Variants in LRFN5 observed in about 807,000 individuals in gnomAD.
The protein encoded by LRFN5 is leucine rich repeat and fibronectin type III domain containing 5.
LRFN5 carries 24 observed loss-of-function variants against 45.6 expected under a neutral mutation model. The observed-to-expected ratio is 0.53, with a 90% CI of 0.38 to 0.74. The LOEUF (loss-of-function observed/expected upper bound fraction) is 0.74. Ranked by LOEUF, LRFN5 falls within the 30% of genes least tolerant of loss-of-function variation. The probability of loss-of-function intolerance (pLI) is 0.00; values close to 1 mark genes in which losing one functional copy is unlikely to be tolerated. For synonymous variants in LRFN5, 340 were observed against 313.8 expected, an observed-to-expected ratio of 1.08 and a Z score of -0.88; for missense variants, 776 against 861.5, an observed-to-expected ratio of 0.90 and a Z score of 1.24.
chr14:41,882,846 C>CTTTTTTT (rs71105409), intron 2 of LRFN5, among the ~76,000 whole-genome samples: 3 of 107,286 alleles, frequency 2.8e-5, no homozygotes, highest in East Asian at 2.9e-4. Flanking sequence ...TGTATTTCCT[C>CTTTTTTT]TTTTTTTTTT....
intron 2 of LRFN5, among the ~76,000 whole-genome samples, chr14:41,879,427 C>T (rs565403640): frequency 7.6e-4 from 116 of 151,902 alleles, no homozygotes; most frequent in Middle Eastern, 3.4e-3. Flanking sequence ...TTTCCGTATA[C>T]CCTTTACCCG....
At chr14:41,826,900 ATAAG>A (rs1484726117) in intron 2 of LRFN5, among the ~76,000 whole-genome samples, 2 of 152,218 alleles carry the variant, frequency 1.3e-5, no homozygotes, top group Non-Finnish European at 2.9e-5. Flanking sequence ...GATTCACAAA[ATAAG>A]TAATTATTTT....
At chr14:41,752,310 T>G (rs1167876406) in intron 1 of LRFN5, among the ~76,000 whole-genome samples, 1 of 152,216 alleles carries the variant, frequency 6.6e-6, no homozygotes, top group Non-Finnish European at 1.5e-5. Context: ...AAATGGTATT[T>G]CTAGTTCTAG....
intron 1 of LRFN5, among the ~76,000 whole-genome samples, chr14:41,627,487 T>A (rs983890831): frequency 2.0e-5 from 3 of 152,160 alleles, no homozygotes; most frequent in Non-Finnish European, 4.4e-5. Context: ...TGTCAAGTGG[T>A]TTGATTTTGC....
At chr14:41,791,417 G>A (rs970874330) in intron 2 of LRFN5, among the ~76,000 whole-genome samples, 4 of 151,912 alleles carry the variant, frequency 2.6e-5, no homozygotes, top group Admixed American at 2.0e-4. Flanking sequence ...TTGCTTCTAA[G>A]GAGTGACCAA....
At chr14:41,646,166 T>C (rs1161007039) in intron 1 of LRFN5, among the ~76,000 whole-genome samples, 1 of 152,152 alleles carries the variant, frequency 6.6e-6, no homozygotes, top group Non-Finnish European at 1.5e-5. Flanking sequence ...AATATATTAT[T>C]GTTAATCATC....
intron 1 of LRFN5, among the ~76,000 whole-genome samples, chr14:41,756,301 G>A (rs1885377820): frequency 6.6e-6 from 1 of 152,116 alleles, no homozygotes; most frequent in Non-Finnish European, 1.5e-5. Flanking sequence ...TACTGAATTT[G>A]AATGTTGGTC....
At chr14:41,680,894 A>T (rs889616676) in intron 1 of LRFN5, among the ~76,000 whole-genome samples, 1 of 152,090 alleles carries the variant, frequency 6.6e-6, no homozygotes, top group Non-Finnish European at 1.5e-5. Flanking sequence ...ATTTAGAATC[A>T]CATCAGACAA....
At chr14:41,793,241 G>A (rs1229800639) in intron 2 of LRFN5, among the ~76,000 whole-genome samples, 1 of 151,920 alleles carries the variant, frequency 6.6e-6, no homozygotes, top group African/African-American at 2.4e-5. Flanking sequence ...GCTCCAGCCG[G>A]TCCCTCCGTT....
rs1480674091 is a variant in LRFN5 at position 41,889,865 on chromosome 14, CTT to C, written c.1386-1383_1386-1382del. ...GTAGATTCAGAGATGTCTATAAACT[CTT>C]TATTTATTTATTTTGAGATAAGGTC... is the stretch of plus-strand genomic sequence containing the variant. On this transcript the variant is annotated intron_variant, in intron 3 of 5. Coordinates refer to ENST00000298119, the MANE Select transcript of LRFN5 (RefSeq NM_152447.5). Among the ~76,000 whole-genome samples the C allele has an allele frequency of 2.2e-4, 33 of 152,072 alleles. 1 individual carries two copies. The highest frequency in any genetic ancestry group is 2.2e-3 in the Admixed American group (33 of 15,286).
intron 1 of LRFN5, among the ~76,000 whole-genome samples, chr14:41,719,062 T>A (rs1284023300): frequency 6.6e-6 from 1 of 152,098 alleles, no homozygotes; most frequent in Non-Finnish European, 1.5e-5. Context: ...TCTGGGGTAA[T>A]TCATCACTTT....
At chr14:41,733,143 G>A (rs1884255050) in intron 1 of LRFN5, among the ~76,000 whole-genome samples, 1 of 151,870 alleles carries the variant, frequency 6.6e-6, no homozygotes, top group Admixed American at 6.6e-5. Flanking sequence ...AGTTAGAAAG[G>A]AGCAGAGAGA....
chr14:41,835,675 A>G (rs889550010), intron 2 of LRFN5, among the ~76,000 whole-genome samples: 1 of 152,112 alleles, frequency 6.6e-6, no homozygotes, highest in Non-Finnish European at 1.5e-5. Context: ...GCAGTAAACC[A>G]CGGTCACGCT....
intron 4 of LRFN5, chr14:41,892,303 A>G (rs1181571448): frequency 1.2e-6 from 1 of 841,054 alleles, no homozygotes; most frequent in Non-Finnish European, 1.4e-6. Flanking sequence ...ATATATATAT[A>G]CACATATATA....
intron 1 of LRFN5, chr14:41,699,747 G>A (rs1253327977): frequency 6.6e-6 from 1 of 152,074 alleles, no homozygotes; most frequent in Non-Finnish European, 1.5e-5. Context: ...CACTAATCAG[G>A]AACTGACTCC....
chr14:41,898,698 T>C (rs568298824), intron 4 of LRFN5, among the ~76,000 whole-genome samples: 1 of 152,174 alleles, frequency 6.6e-6, no homozygotes, highest in East Asian at 1.9e-4. Flanking sequence ...TATTATGTTT[T>C]TAAGCATTAG....
At chr14:41,692,916 G>C (rs537609841) in intron 1 of LRFN5, among the ~76,000 whole-genome samples, 24 of 151,916 alleles carry the variant, frequency 1.6e-4, no homozygotes, top group African/African-American at 5.5e-4. Flanking sequence ...TCTCTGTATA[G>C]AGTTATCTAC....
chr14:41,887,218 C>T lies in LRFN5; in HGVS notation c.593C>T (p.Thr198Ile). ...KGTFSHLHKMTRLDVTSNKLQ... is the reference protein window; with the variant it reads ...KGTFSHLHKMIRLDVTSNKLQ... ...ACCTTCTCCCATTTGCACAAGATGA[C>T]TCGGTTAGATGTGACATCAAATAAA... The change falls in exon 3 of 6, where the codon ACT (threonine) becomes ATT (isoleucine). Residue 198 changes from threonine to isoleucine, a missense_variant. Thr to Ile is a moderately conservative substitution (Grantham distance 89). Around this residue, in one of 2 missense-constraint regions of LRFN5, gnomAD observed 311 missense variants for 405.1 expected, o/e 0.77. Transcript: ENST00000298119. The surrounding 1 kb of genome is among the most constrained non-coding windows in gnomAD (Gnocchi z 4.8). 6.2e-7 allele frequency: 1 copy of T among 1,614,150 alleles called. No individual in the cohort carries two copies. Among genetic ancestry groups the T allele is most frequent in the Non-Finnish European group, 8.5e-7 (1 of 1,180,026 alleles).
chr14:41,714,213 C>G (rs973728784), intron 1 of LRFN5, among the ~76,000 whole-genome samples: 2 of 152,072 alleles, frequency 1.3e-5, no homozygotes, highest in African/African-American at 2.4e-5. Context: ...GGAACAGAGA[C>G]TTGAGAATCA....
Sources: gnomAD v4.1 joint callset for allele counts (sites outside exome capture counted in the v4.1 genomes callset) on GRCh38, gnomAD v4.1.1 for gene constraint, gnomAD v4.1.1 regional missense constraint, Gnocchi (gnomAD v3.1) non-coding constraint, MANE v1.5 for transcripts, NCBI Gene and HGNC (gene_info 2026-07-23, HGNC 2026-07-21) for gene names.